RGS10: variants seen among roughly 807,000 people sequenced by gnomAD.
The protein encoded by RGS10 is regulator of G-protein signalling 10.
A neutral mutation model predicts 23.5 loss-of-function variants in RGS10; 11 were observed. That is an observed-to-expected ratio of 0.47 (90% CI 0.29 to 0.77). RGS10 has a LOEUF of 0.77. Among genes scored for constraint, RGS10 ranks in the 30% least tolerant of loss-of-function variants. The pLI, the probability that RGS10 is intolerant of heterozygous loss-of-function variation, is 0.08. For missense variants in RGS10, 180 were observed against 226.3 expected (o/e 0.80, Z 1.31); for synonymous variants, 77 against 83.2 (o/e 0.92, Z 0.41).
chr10:119,542,711 G>T lies in RGS10; in HGVS notation c.-73C>A, dbSNP rs1423910117. On this transcript the variant is annotated 5_prime_UTR_variant, in exon 1 of 5. Coordinates refer to ENST00000369103, the MANE Select transcript of RGS10 (RefSeq NM_001005339.2). ...GGCTGAGCCGGAGGAAGGCGAGGAG[G>T]AGGAGGAGGGCGAGGAGGAGGAGGA... 5.1e-5 allele frequency: 65 copies of T among 1,273,746 alleles called. No individual in the cohort carries two copies. The allele number at this position is 1,273,746 out of a possible 1,614,324, so 78.9% of individuals were successfully genotyped here.
intron 3 of RGS10, among the ~76,000 whole-genome samples, chr10:119,525,691 T>A (rs1002256099): frequency 1.3e-5 from 2 of 152,230 alleles, no homozygotes; most frequent in Non-Finnish European, 2.9e-5. Flanking sequence ...CATCTGCGTA[T>A]CGTTTTACCA....
intron 3 of RGS10, among the ~76,000 whole-genome samples, chr10:119,521,601 GAAAGAAAGA>G (rs1844216274): frequency 8.1e-6 from 1 of 123,080 alleles, no homozygotes; most frequent in Non-Finnish European, 1.7e-5. Flanking sequence ...AGGAAGGAAG[GAAAGAAAGA>G]AAGGAAGGAA....
At chr10:119,521,753 T>C (rs1029533541) in intron 3 of RGS10, among the ~76,000 whole-genome samples, 1 of 149,284 alleles carries the variant, frequency 6.7e-6, no homozygotes, top group Non-Finnish European at 1.5e-5. Flanking sequence ...AGTTTACATA[T>C]AAATTACTGA....
At chr10:119,523,999 C>G (rs567271786) in intron 3 of RGS10, among the ~76,000 whole-genome samples, 1 of 152,204 alleles carries the variant, frequency 6.6e-6, no homozygotes, top group Non-Finnish European at 1.5e-5. Context: ...TGTCGCCAGC[C>G]CTGCCTGCCC....
At chr10:119,540,748 A>G in intron 1 of RGS10, among the ~76,000 whole-genome samples, 1 of 152,224 alleles carries the variant, frequency 6.6e-6, no homozygotes, top group East Asian at 1.9e-4. Context: ...AAAGCAATCT[A>G]AAGTAATAAG....
intron 3 of RGS10, among the ~76,000 whole-genome samples, chr10:119,518,186 C>A (rs1019905480): frequency 6.6e-6 from 1 of 152,220 alleles, no homozygotes; most frequent in African/African-American, 2.4e-5. Context: ...GTGTCTGTGG[C>A]CTGGAAGGAT....
intron 4 of RGS10, among the ~76,000 whole-genome samples, chr10:119,501,518 T>C (rs1589831358): frequency 6.6e-6 from 1 of 151,308 alleles, no homozygotes; most frequent in Non-Finnish European, 1.5e-5. Flanking sequence ...AGGTCAGGAG[T>C]TCAAGACCAG....
In RGS10 at chr10:119,524,530, T is replaced by C. The variant is rs1018474345; in HGVS notation, c.255+1502A>G. On this transcript the variant is annotated intron_variant, in intron 3 of 4. Transcript: ENST00000369103. The surrounding 1 kb of genome is among the most constrained non-coding windows in gnomAD (Gnocchi z 5.2). ...GAGGCTGGTCGCAGCGGTGGCACAG[T>C]CTAGCATTTATCGATGGTGGTCCCC... Among the ~76,000 whole-genome samples the C allele has an allele frequency of 2.6e-5, 4 of 152,056 alleles. No homozygotes were observed. The highest frequency in any genetic ancestry group is 9.7e-5 in the African/African-American group (4 of 41,416).
intron 1 of RGS10, among the ~76,000 whole-genome samples, chr10:119,539,596 G>A (rs1223272997): frequency 6.6e-6 from 1 of 152,164 alleles, no homozygotes; most frequent in Non-Finnish European, 1.5e-5. Flanking sequence ...TCAAAGACAA[G>A]CCCCACCTAC....
At chr10:119,507,408 G>A (rs1046278332) in intron 4 of RGS10, among the ~76,000 whole-genome samples, 7 of 152,104 alleles carry the variant, frequency 4.6e-5, no homozygotes, top group South Asian at 2.1e-4. Flanking sequence ...CTCACCCTCC[G>A]AGGCCCTCAA....
intron 4 of RGS10, among the ~76,000 whole-genome samples, chr10:119,502,339 T>C (rs972195773): frequency 5.9e-5 from 9 of 152,050 alleles, no homozygotes; most frequent in Admixed American, 1.3e-4. Context: ...AAGTCTGCAA[T>C]GAACGCTCAA....
chr10:119,542,570 G>T lies in RGS10; in HGVS notation c.49+20C>A. 2 of 1,396,554 alleles carry T rather than the reference G, an allele frequency of 1.4e-6. No individual in the cohort carries two copies. Among genetic ancestry groups the T allele is most frequent in the Non-Finnish European group, 1.9e-6 (2 of 1,075,358 alleles). 86.5% of individuals were successfully genotyped at this position (1,396,554 alleles called of 1,614,324 possible). ...AACGGCGCCCCGACCCCGAGCCCGCGGGCCCCCGAAGCCGCTTACCTGACG... is the reference window on the plus strand; with the variant it reads ...AACGGCGCCCCGACCCCGAGCCCGCTGGCCCCCGAAGCCGCTTACCTGACG... On this transcript the variant is annotated intron_variant, in intron 1 of 4. Transcript: ENST00000369103.
At chr10:119,503,108 T>G (rs1372258263) in intron 4 of RGS10, among the ~76,000 whole-genome samples, 1 of 152,056 alleles carries the variant, frequency 6.6e-6, no homozygotes, top group Non-Finnish European at 1.5e-5. Context: ...CCGGGTGCGG[T>G]GGCTCATGCC....
intron 3 of RGS10, among the ~76,000 whole-genome samples, chr10:119,521,548 C>T (rs191598879): frequency 1.5e-3 from 205 of 140,252 alleles, no homozygotes; most frequent in African/African-American, 5.2e-3. Context: ...CCAGCCTGGG[C>T]AACAAGAGCG....
intron 1 of RGS10, among the ~76,000 whole-genome samples, chr10:119,539,120 C>T (rs1442886849): frequency 1.3e-5 from 2 of 152,240 alleles, no homozygotes; most frequent in Non-Finnish European, 2.9e-5. Context: ...GCTCAACTGG[C>T]TCATAAGCTG....
chr10:119,520,467 T>C (rs1844199578), intron 3 of RGS10, among the ~76,000 whole-genome samples: 2 of 152,088 alleles, frequency 1.3e-5, no homozygotes, highest in Admixed American at 6.5e-5. Flanking sequence ...CAGGTCCTGC[T>C]CCAAACTTGA....
rs184290599 is a variant in RGS10 at position 119,541,144 on chromosome 10, T to C, written c.49+1446A>G. Among the ~76,000 whole-genome samples the C allele has an allele frequency of 9.5e-4, 144 of 152,318 alleles. 4 individuals carry two copies. The East Asian group carries it at 0.018, about 19-fold the overall frequency. On this transcript the variant is annotated intron_variant, in intron 1 of 4. Transcript: ENST00000369103. ...ACGGAGGCACAGAGAGATCAAGTAA[T>C]TTGCCCAGTGTTGCTGAATGACAGA... is the stretch of plus-strand genomic sequence containing the variant.
intron 2 of RGS10, among the ~76,000 whole-genome samples, chr10:119,526,819 G>C (rs1339602901): frequency 6.6e-6 from 1 of 151,808 alleles, no homozygotes; most frequent in Admixed American, 6.6e-5. Flanking sequence ...GGCACCGGGG[G>C]CTTCTGCTGG....
intron 3 of RGS10, among the ~76,000 whole-genome samples, chr10:119,518,043 G>T (rs930705071): frequency 6.6e-6 from 1 of 152,216 alleles, no homozygotes; most frequent in Non-Finnish European, 1.5e-5. Context: ...GGGAAGGCCT[G>T]GTGTCTAGGC....
Sources: gnomAD v4.1 joint callset for allele counts (sites outside exome capture counted in the v4.1 genomes callset) on GRCh38, gnomAD v4.1.1 for gene constraint, Gnocchi (gnomAD v3.1) non-coding constraint, MANE v1.5 for transcripts, NCBI Gene and HGNC (gene_info 2026-07-23, HGNC 2026-07-21) for gene names.